The following UBE2G2 variants were observed in gnomAD, a reference collection of about 807,000 sequenced individuals.
UBE2G2 encodes the protein ubiquitin conjugating enzyme E2 G2.
In UBE2G2, 10 loss-of-function variants were observed where a neutral mutation model predicts 23.0. The ratio of observed to expected loss-of-function variants is 0.43; its 90% confidence interval spans 0.27 to 0.74. The LOEUF is 0.74. Ranked by LOEUF, UBE2G2 falls within the 30% of genes least tolerant of loss-of-function variation. The pLI, the probability that UBE2G2 is intolerant of heterozygous loss-of-function variation, is 0.19. For missense variants in UBE2G2, 150 were observed against 218.3 expected, an observed-to-expected ratio of 0.69 and a Z score of 1.97; for synonymous variants, 86 against 81.3, an observed-to-expected ratio of 1.06 and a Z score of -0.31.
In UBE2G2 at chr21:44,782,618, T is replaced by C. The variant is rs572341817; in HGVS notation, c.126-5201A>G. 3.3e-5 allele frequency among the ~76,000 whole-genome samples: 5 copies of C among 152,244 alleles called. No homozygotes were observed. The East Asian group carries it at 9.6e-4, about 29-fold the overall frequency. On this transcript the variant is annotated intron_variant, in intron 3 of 5. Coordinates refer to ENST00000345496, the MANE Select transcript of UBE2G2 (RefSeq NM_003343.6). ...TAGATCAATGGAATGCAATTCAGAG[T>C]CCAAAAATAAATCCTTGCATTTATA...
intron 1 of UBE2G2, among the ~76,000 whole-genome samples, chr21:44,798,137 C>A (rs371094254): frequency 1.6e-4 from 24 of 152,326 alleles, no homozygotes; most frequent in African/African-American, 5.8e-4. Flanking sequence ...ACCTGGGTGA[C>A]AGAGCAAGAC....
intron 1 of UBE2G2, chr21:44,801,365 T>G (rs1475740757): frequency 4.4e-6 from 5 of 1,134,580 alleles, no homozygotes; most frequent in Non-Finnish European, 5.4e-6. Flanking sequence ...AAGTCAGGCC[T>G]TCTTCCTCAA....
At position 44,769,560 on chromosome 21, in the gene UBE2G2, T is replaced by C. The variant is rs1361223950; in HGVS notation, c.*1817A>G. ...CACGCCCGGCTAATTTTTTGTATTTTTAGTGGAGACAGGGTTTCACTGTTA... is the reference window on the plus strand; with the variant it reads ...CACGCCCGGCTAATTTTTTGTATTTCTAGTGGAGACAGGGTTTCACTGTTA... On this transcript the variant is annotated 3_prime_UTR_variant, in exon 6 of 6. Transcript: ENST00000345496. 2 of 152,246 alleles carry C rather than the reference T, an allele frequency of 1.3e-5. No homozygotes were observed. The highest frequency in any genetic ancestry group is 4.8e-5 in the African/African-American group (2 of 41,434). The allele number at this position is 152,246 out of a possible 1,614,324, so 9.4% of individuals were successfully genotyped here.
At chr21:44,777,101 T>G in intron 4 of UBE2G2, 198 bp downstream of exon 4, 1 of 514,956 alleles carries the variant, frequency 1.9e-6, no homozygotes, top group Non-Finnish European at 3.4e-6. Context: ...TTGTCTTTTA[T>G]CTATATTAAA....
At chr21:44,777,123 A>G (rs2082918809) in intron 4 of UBE2G2, 176 bp downstream of exon 4, 1 of 604,446 alleles carries the variant, frequency 1.7e-6, no homozygotes, top group Non-Finnish European at 2.8e-6. Flanking sequence ...TGACCTTCAA[A>G]ATTGAAATCA....
At chr21:44,779,794 G>A (rs147530035) in intron 3 of UBE2G2, among the ~76,000 whole-genome samples, 2 of 152,328 alleles carry the variant, frequency 1.3e-5, no homozygotes, top group East Asian at 3.9e-4. Context: ...GTCAAGCAAG[G>A]CTGGAAAATC....
At chr21:44,787,824 A>G (rs1455451331) in intron 3 of UBE2G2, 96 bp downstream of exon 3, 2 of 1,416,292 alleles carry the variant, frequency 1.4e-6, no homozygotes, top group Non-Finnish European at 1.9e-6. Context: ...TCTTTTTTCC[A>G]GCTGATGCTT....
At position 44,777,400 on chromosome 21, in the gene UBE2G2, C is replaced by T; in HGVS notation, c.143G>A (p.Cys48Tyr). The T allele has an allele frequency of 2.5e-6, 4 of 1,614,048 alleles. No homozygotes were observed. Among genetic ancestry groups the T allele is most frequent in the Non-Finnish European group, 1.7e-6 (2 of 1,180,000 alleles). ...GGCAGGAAAAACACCAAACTCAAAG[C>T]AGGTGTCTTCTGGGCCCCTAGAAGA... ...EALIMGPEDTCFEFGVFPAIL... is the reference protein window; with the variant it reads ...EALIMGPEDTYFEFGVFPAIL... Residue 48 changes from cysteine to tyrosine, a missense_variant, in exon 4 of 6, where the codon TGC becomes TAC. By Grantham distance (194) the Cys-to-Tyr change is radical (BLOSUM62 -2). Coordinates refer to ENST00000345496, the MANE Select transcript of UBE2G2 (RefSeq NM_003343.6).
Position 44,773,691 on chromosome 21 carries a change from C to A in UBE2G2, c.245-4G>T, listed in dbSNP as rs559020146. The A allele has an allele frequency of 8.7e-6, 14 of 1,611,558 alleles. No homozygotes were observed. In the African/African-American group the frequency reaches 1.1e-4, roughly 12 times the overall value. ...CAGACTCTCCCATCAGGGTAGACTG[C>A]AAGGGTCAGAGGCAGCCAAGTGAGC... On this transcript the variant is annotated splice_polypyrimidine_tract_variant and splice_region_variant and intron_variant, in intron 4 of 5. Transcript: ENST00000345496.
chr21:44,782,762 C>T (rs1434995105), intron 3 of UBE2G2, among the ~76,000 whole-genome samples: 1 of 152,196 alleles, frequency 6.6e-6, no homozygotes, highest in Admixed American at 6.5e-5. Context: ...AGACTCCCAC[C>T]TAACTCCATA....
chr21:44,798,001 C>T (rs2083107289), intron 1 of UBE2G2, among the ~76,000 whole-genome samples: 1 of 151,872 alleles, frequency 6.6e-6, no homozygotes, highest in Admixed American at 6.6e-5. Flanking sequence ...AAGATGAAGA[C>T]AGAAAAATCA....
chr21:44,776,744 C>G (rs2082916728), intron 4 of UBE2G2: 1 of 155,362 alleles, frequency 6.4e-6, no homozygotes, highest in African/African-American at 2.4e-5. Context: ...TGCACACACT[C>G]TCTTGCCTGC....
rs1477231409 is a variant in UBE2G2, at chr21:44,772,273, C to T, written c.386-784G>A. On this transcript the variant is annotated intron_variant, in intron 5 of 5. Coordinates refer to ENST00000345496, the MANE Select transcript of UBE2G2 (RefSeq NM_003343.6). This position sits in a 1 kb window ranked among gnomAD's most constrained non-coding sequence, Gnocchi z 5.4. Reference sequence around the variant, plus strand: ...CCCTCCCAATCTCCAATCCCCTGGCCTGGCTCCCTCCACTCAGCACATGAA... The same window carrying T: ...CCCTCCCAATCTCCAATCCCCTGGCTTGGCTCCCTCCACTCAGCACATGAA... 6.6e-6 allele frequency among the ~76,000 whole-genome samples: 1 copy of T among 152,146 alleles called. No homozygotes were observed. The highest frequency in any genetic ancestry group is 1.5e-5 in the Non-Finnish European group (1 of 68,026).
At chr21:44,795,091 C>T (rs929270015) in intron 1 of UBE2G2, among the ~76,000 whole-genome samples, 2 of 151,876 alleles carry the variant, frequency 1.3e-5, no homozygotes, top group African/African-American at 2.4e-5. Flanking sequence ...AGTGAAATCC[C>T]GTTTCTACTA....
chr21:44,795,361 G>T (rs1258583429), intron 1 of UBE2G2, among the ~76,000 whole-genome samples: 1 of 152,214 alleles, frequency 6.6e-6, no homozygotes, highest in Non-Finnish European at 1.5e-5. Context: ...GAAGGGCGCA[G>T]TGGCTCGCAG....
chr21:44,776,421 A>C (rs1425855047), intron 4 of UBE2G2, among the ~76,000 whole-genome samples: 1 of 152,190 alleles, frequency 6.6e-6, no homozygotes, highest in Non-Finnish European at 1.5e-5. Context: ...TTACATGTGA[A>C]TTTCTTTTTC....
intron 3 of UBE2G2, among the ~76,000 whole-genome samples, chr21:44,783,856 C>G (rs2082974741): frequency 6.6e-6 from 1 of 152,170 alleles, no homozygotes; most frequent in East Asian, 1.9e-4. Context: ...TGTAAATTAT[C>G]TCAATAAAGC....
At chr21:44,797,852 C>T (rs2083105957) in intron 1 of UBE2G2, among the ~76,000 whole-genome samples, 1 of 151,864 alleles carries the variant, frequency 6.6e-6, no homozygotes, top group Non-Finnish European at 1.5e-5. Flanking sequence ...GGTGTTCACA[C>T]ATCTGACCCA....
At chr21:44,796,804 C>T (rs550142984) in intron 1 of UBE2G2, among the ~76,000 whole-genome samples, 25 of 152,340 alleles carry the variant, frequency 1.6e-4, no homozygotes, top group African/African-American at 6.0e-4. Flanking sequence ...TTCACTTCCA[C>T]GGGTCTGTTG....
Sources: gnomAD v4.1 joint callset for allele counts (sites outside exome capture counted in the v4.1 genomes callset) on GRCh38, gnomAD v4.1.1 for gene constraint, Gnocchi (gnomAD v3.1) non-coding constraint, MANE v1.5 for transcripts, NCBI Gene and HGNC (gene_info 2026-07-23, HGNC 2026-07-21) for gene names.